The following FANCL variants were observed in gnomAD, a reference collection of about 807,000 sequenced individuals.
FANCL encodes FA complementation group L.
Under a neutral mutation model 59.4 loss-of-function variants are expected in FANCL, and 69 were observed. That is an observed-to-expected ratio of 1.16 (90% confidence interval 0.96 to 1.42). The LOEUF is 1.42. Among genes scored for constraint, FANCL ranks in the 40% most tolerant of loss-of-function variants. The pLI is 0.00. For missense variants in FANCL, 519 were observed against 447.2 expected, an observed-to-expected ratio of 1.16 and a Z score of -1.45; for synonymous variants, 180 against 147.1, an observed-to-expected ratio of 1.22 and a Z score of -1.62.
chr2:58,172,170 A>G (rs1034714382), intron 7 of FANCL, among the ~76,000 whole-genome samples: 5 of 152,236 alleles, frequency 3.3e-5, no homozygotes, highest in Non-Finnish European at 5.9e-5. Flanking sequence ...CTCTGGGGAC[A>G]CGGCACAGAC....
intron 3 of FANCL, 142 bp from the exon 4 acceptor site, chr2:58,226,926 G>T: frequency 1.4e-6 from 1 of 711,414 alleles, no homozygotes; most frequent in Non-Finnish European, 2.4e-6. Flanking sequence ...ATGAAGTATC[G>T]GTCATCAACT....
At chr2:58,192,466 G>T (rs1189222946) in intron 7 of FANCL, among the ~76,000 whole-genome samples, 1 of 151,832 alleles carries the variant, frequency 6.6e-6, no homozygotes. Context: ...TTTAAAAAGT[G>T]ACCTCTAGGA....
At chr2:58,205,947 T>TA (rs1182491335) in intron 5 of FANCL, among the ~76,000 whole-genome samples, 1 of 152,136 alleles carries the variant, frequency 6.6e-6, no homozygotes, top group Non-Finnish European at 1.5e-5. Context: ...TATGTAGTCG[T>TA]AAAAAATTAA....
intron 7 of FANCL, among the ~76,000 whole-genome samples, chr2:58,173,801 G>A (rs1227952615): frequency 6.6e-6 from 1 of 152,100 alleles, no homozygotes; most frequent in Non-Finnish European, 1.5e-5. Flanking sequence ...AACTTTAAAT[G>A]TAAATGGACT....
chr2:58,211,927 C>T (rs1691205044), intron 5 of FANCL, among the ~76,000 whole-genome samples: 1 of 152,188 alleles, frequency 6.6e-6, no homozygotes, highest in African/African-American at 2.4e-5. Flanking sequence ...CTAGGAAGTT[C>T]CAAACTCTCC....
rs150954346 is a variant in FANCL, at chr2:58,178,239, C to G, written c.541-12365G>C. 7.2e-3 allele frequency among the ~76,000 whole-genome samples: 1,100 copies of G among 152,238 alleles called. 13 individuals carry two copies. The highest frequency in any genetic ancestry group is 0.025 in the African/African-American group (1,032 of 41,530). ...CTCCTCCCTAACTCATTTTATGAGG[C>G]CTGCATCATCCTGACACCAAAATCT... is the stretch of plus-strand genomic sequence containing the variant. On this transcript the variant is annotated intron_variant, in intron 7 of 13. Coordinates refer to ENST00000233741, the MANE Select transcript of FANCL (RefSeq NM_018062.4).
chr2:58,205,431 T>C (rs1404742638), intron 5 of FANCL, among the ~76,000 whole-genome samples: 1 of 152,076 alleles, frequency 6.6e-6, no homozygotes, highest in Non-Finnish European at 1.5e-5. Flanking sequence ...GCTATATCTG[T>C]AAATGCTTCA....
At position 58,221,899 on chromosome 2, in the gene FANCL, T is replaced by C. The variant is rs775879116; in HGVS notation, c.374+43A>G. ...ACTAGAAATACATTAAGTTAAAATATATAAAACAAAGGCATTTAAAACATA... is the reference window on the plus strand; with the variant it reads ...ACTAGAAATACATTAAGTTAAAATACATAAAACAAAGGCATTTAAAACATA... On this transcript the variant is annotated intron_variant, in intron 5 of 13. Coordinates refer to ENST00000233741, the MANE Select transcript of FANCL (RefSeq NM_018062.4). 3.7e-6 allele frequency: 5 copies of C among 1,365,410 alleles called. No homozygotes were observed. In the Admixed American group the frequency reaches 5.1e-5, roughly 14 times the overall value. The allele number at this position is 1,365,410 out of a possible 1,614,324, so 84.6% of individuals were successfully genotyped here. A position where few individuals can be genotyped will look rare whatever the true frequency, so the allele number is the denominator to read the frequency against.
At position 58,241,152 on chromosome 2, in the gene FANCL, A is replaced by C. The variant is rs1393874516; in HGVS notation, c.96+66T>G. 4.5e-6 allele frequency: 7 copies of C among 1,562,502 alleles called. No homozygotes were observed. The African/African-American group carries it at 8.1e-5, about 18-fold the overall frequency. ...GGCCCCTAACCTCCTAGCCCGTCAC[A>C]GACTTCTCCGCGCAGCTACGCTGCA... On this transcript the variant is annotated intron_variant, in intron 1 of 13. Transcript: ENST00000233741.
chr2:58,180,174 A>G (rs527723357), intron 7 of FANCL, among the ~76,000 whole-genome samples: 2 of 152,288 alleles, frequency 1.3e-5, no homozygotes, highest in Admixed American at 6.5e-5. Flanking sequence ...CGATTCCTCA[A>G]GGATCTAGAA....
rs968703227 is a variant in FANCL, at chr2:58,162,740, A to G, written c.903+126T>C. 3.2e-5 allele frequency: 27 copies of G among 841,244 alleles called. No individual in the cohort carries two copies. In the African/African-American group the frequency reaches 4.5e-4, roughly 14 times the overall value. 52.1% of individuals were successfully genotyped at this position (841,244 alleles called of 1,614,324 possible). A position where few individuals can be genotyped will look rare whatever the true frequency, so the allele number is the denominator to read the frequency against. The stretch of plus-strand genomic sequence containing the variant: ...AAGGTAAACAAGTTTTTTGATGCAG[A>G]TCAGAAGTCTGTGTTATAATATTTT... On this transcript the variant is annotated intron_variant, in intron 11 of 13. Transcript: ENST00000233741.
At chr2:58,173,644 C>G (rs1266268495) in intron 7 of FANCL, among the ~76,000 whole-genome samples, 2 of 152,124 alleles carry the variant, frequency 1.3e-5, no homozygotes, top group Non-Finnish European at 2.9e-5. Context: ...AAGCACTAAA[C>G]ATGGAAAGGA....
At chr2:58,232,223 T>G (rs992997091) in intron 1 of FANCL, 111 bp from the exon 2 acceptor site, 7 of 848,562 alleles carry the variant, frequency 8.2e-6, no homozygotes, top group Non-Finnish European at 1.4e-5. Flanking sequence ...TTCTAAAAGG[T>G]ATCAATTTTA....
At chr2:58,194,361 A>G (rs917454916) in intron 7 of FANCL, 1 of 467,032 alleles carries the variant, frequency 2.1e-6, no homozygotes, top group East Asian at 6.9e-5. Context: ...CTCAGTCAAG[A>G]GTATTTACAC....
chr2:58,210,442 T>C (rs1691024680), intron 5 of FANCL, among the ~76,000 whole-genome samples: 1 of 152,130 alleles, frequency 6.6e-6, no homozygotes. Context: ...ATGAGAACTG[T>C]GGGAGTACAA....
At chr2:58,207,202 AG>A (rs1195262712) in intron 5 of FANCL, among the ~76,000 whole-genome samples, 1 of 152,118 alleles carries the variant, frequency 6.6e-6, no homozygotes, top group Non-Finnish European at 1.5e-5. Context: ...CCTTTCCTGT[AG>A]ACTACAATTT....
At chr2:58,180,763 C>T (rs755891388) in intron 7 of FANCL, among the ~76,000 whole-genome samples, 4 of 151,922 alleles carry the variant, frequency 2.6e-5, no homozygotes, top group East Asian at 1.9e-4. Context: ...TTAACATAAG[C>T]GGTCTCACAT....
intron 7 of FANCL, among the ~76,000 whole-genome samples, chr2:58,180,165 G>C (rs911289162): frequency 1.3e-5 from 2 of 152,160 alleles, no homozygotes; most frequent in East Asian, 3.8e-4. Flanking sequence ...ACAGTGTGGC[G>C]ATTCCTCAAG....
intron 2 of FANCL, among the ~76,000 whole-genome samples, chr2:58,230,732 C>T (rs1453498147): frequency 6.6e-6 from 1 of 152,164 alleles, no homozygotes; most frequent in African/African-American, 2.4e-5. Flanking sequence ...ATTCAAATGT[C>T]CATTGGTAAC....
Sources: gnomAD v4.1 joint callset for allele counts (sites outside exome capture counted in the v4.1 genomes callset) on GRCh38, gnomAD v4.1.1 for gene constraint, MANE v1.5 for transcripts, NCBI Gene and HGNC (gene_info 2026-07-23, HGNC 2026-07-21) for gene names.